Variants in CLTRN observed in about 807,000 individuals in gnomAD.
CLTRN encodes the protein collectrin.
In CLTRN, 12 loss-of-function variants were observed where a neutral mutation model predicts 14.5. The observed-to-expected ratio is 0.83, with a 90% CI of 0.53 to 1.34. CLTRN has a LOEUF of 1.34. Ranked by LOEUF, CLTRN falls within the 40% of genes most tolerant of loss-of-function variation. The pLI is 0.00. For synonymous variants in CLTRN, 58 were observed against 56.5 expected (o/e 1.03, Z -0.12); for missense variants, 154 against 165.1 (o/e 0.93, Z 0.37).
intron 4 of CLTRN, among the ~76,000 whole-genome samples, chrX:15,643,813 T>C (rs1241496237): frequency 1.8e-5 from 2 of 112,543 alleles, no homozygotes; most frequent in African/African-American, 3.2e-5. Flanking sequence ...TCTTAAGTGT[T>C]AACATTTTAC....
upstream of CLTRN, among the ~76,000 whole-genome samples, chrX:15,668,560 GT>G (rs754851358): frequency 9.0e-6 from 1 of 111,207 alleles, no homozygotes. Flanking sequence ...TCAATTCCTG[GT>G]TTTTCCCCTA....
chrX:15,640,695 C>A (rs575341967), intron 4 of CLTRN, among the ~76,000 whole-genome samples: 1 of 112,725 alleles, frequency 8.9e-6, no homozygotes, highest in African/African-American at 3.2e-5. Context: ...AAACATGAAC[C>A]AGGAGTGGCT....
Position 15,628,122 on chromosome X carries a change from T to C in CLTRN, c.518A>G (p.Asn173Ser). Residue 173 changes from asparagine to serine, a missense_variant, in exon 6 of 6, where the codon AAC becomes AGC. Physicochemically the swap from Asn to Ser is conservative, Grantham distance 46. Coordinates refer to ENST00000380342, the MANE Select transcript of CLTRN (RefSeq NM_020665.6). ...GTCATCCACTTCAGATGGTTCTTTG[T>C]TCTTTCTAAAAGCACATAAAAAAGA... Reference protein sequence around the residue: ...LSGIWQRRRKNKEPSEVDDAE... With the variant: ...LSGIWQRRRKSKEPSEVDDAE... The C allele has an allele frequency of 9.2e-7, 1 of 1,088,930 alleles. No individual in the cohort carries two copies. Among genetic ancestry groups the C allele is most frequent in the South Asian group, 2.8e-5 (1 of 35,947 alleles). 89.7% of individuals were successfully genotyped at this position (1,088,930 alleles called of 1,213,427 possible).
At position 15,639,569 on chromosome X, in the gene CLTRN, G is replaced by A. The variant is rs749112346; in HGVS notation, c.505C>T (p.Arg169Cys). 7.5e-6 allele frequency: 9 copies of A among 1,201,188 alleles called. No homozygotes were observed. The highest frequency in any genetic ancestry group is 5.4e-5 in the South Asian group (3 of 55,426). The change falls in exon 5 of 6, where the codon CGT becomes TGT. Residue 169 changes from arginine (R) to cysteine (C), a missense_variant. Coordinates refer to ENST00000380342, the MANE Select transcript of CLTRN (RefSeq NM_020665.6). The part of the protein sequence containing the change: ...ALLILSGIWQ[R>C]RRKNKEPSEV... ...TCCTTTTAAATATCTTACCTTCTAC[G>A]TTGCCAGATCCCTGATAAAATCAGT... is the stretch of plus-strand genomic sequence containing the variant.
chrX:15,651,273 G>A (rs1340308599), intron 3 of CLTRN, among the ~76,000 whole-genome samples: 2 of 111,477 alleles, frequency 1.8e-5, no homozygotes, highest in Admixed American at 1.9e-4. Flanking sequence ...ATATGGTTAG[G>A]AAAAGAGTTC....
chrX:15,651,128 G>C (rs1357900151), intron 3 of CLTRN, among the ~76,000 whole-genome samples: 1 of 111,249 alleles, frequency 9.0e-6, no homozygotes, highest in African/African-American at 3.3e-5. Context: ...TGGGGGGATG[G>C]GGGGACATGG....
At chrX:15,628,741 C>T (rs907259495) in intron 5 of CLTRN, among the ~76,000 whole-genome samples, 7 of 111,809 alleles carry the variant, frequency 6.3e-5, no homozygotes, top group African/African-American at 9.8e-5. Context: ...TTGCAAGTCA[C>T]GATTTTGGAA....
chrX:15,630,293 A>G (rs1045137636), intron 5 of CLTRN, among the ~76,000 whole-genome samples: 1 of 110,561 alleles, frequency 9.0e-6, no homozygotes. Context: ...GTATGTATGG[A>G]CTAATGTTGT....
At position 15,653,528 on chromosome X, in the gene CLTRN, C is replaced by T. The variant is rs750464304; in HGVS notation, c.203+5488G>A. Among the ~76,000 whole-genome samples the T allele has an allele frequency of 3.6e-5, 4 of 110,860 alleles. No individual in the cohort carries two copies. In the South Asian group the frequency reaches 1.6e-3, roughly 43 times the overall value. On this transcript the variant is annotated intron_variant, in intron 3 of 5. Coordinates refer to ENST00000380342, the MANE Select transcript of CLTRN (RefSeq NM_020665.6). ...TCCTCTTTTTCCTCCCCATATTCTT[C>T]CTATTCTTCTTCTACCTCATTGTCA...
intron 3 of CLTRN, chrX:15,646,799 C>A (rs1233070): frequency 6.0e-6 from 2 of 334,221 alleles, no homozygotes; most frequent in East Asian, 1.9e-4. Flanking sequence ...CCGCCACCCC[C>A]CCACCAGCCT....
intron 5 of CLTRN, among the ~76,000 whole-genome samples, chrX:15,639,177 C>A (rs1928882528): frequency 2.7e-5 from 3 of 111,960 alleles, no homozygotes; most frequent in South Asian, 7.4e-4. Context: ...AGTAGGGAGG[C>A]ATGCAACTAT....
intron 5 of CLTRN, among the ~76,000 whole-genome samples, chrX:15,630,369 AAGGAAGGAAGGAAG>A (rs1569247939): frequency 0.031 from 3,316 of 105,444 alleles, 125 homozygotes; most frequent in African/African-American, 0.1. Flanking sequence ...AGAAAGAAGG[AAGGAAGGAAGGAAG>A]GAAGGAAGGA....
intron 2 of CLTRN, among the ~76,000 whole-genome samples, chrX:15,662,574 G>A (rs762734666): frequency 1.9e-3 from 211 of 111,635 alleles, no homozygotes; most frequent in Non-Finnish European, 3.5e-3. Context: ...ATTTTACTCA[G>A]TCTTCCTTTC....
At chrX:15,646,837 G>T (rs1387338116) in intron 3 of CLTRN, 2 of 317,167 alleles carry the variant, frequency 6.3e-6, no homozygotes, top group Non-Finnish European at 6.2e-6. Flanking sequence ...CATGAAAATC[G>T]CCCCGCCCGA....
chrX:15,635,778 C>A (rs1318054269), intron 5 of CLTRN, among the ~76,000 whole-genome samples: 4 of 111,640 alleles, frequency 3.6e-5, no homozygotes, highest in Non-Finnish European at 7.5e-5. Flanking sequence ...GGATTTACAT[C>A]AAAATGAAAC....
chrX:15,674,995 G>A (rs1232125224), exon 1 of CLTRN: 1 of 113,064 alleles, frequency 8.8e-6, no homozygotes, highest in East Asian at 2.8e-4. Flanking sequence ...GGACCAGAGG[G>A]GTCTTGCCTG....
chrX:15,651,140 T>C (rs140866811), intron 3 of CLTRN, among the ~76,000 whole-genome samples: 1 of 111,238 alleles, frequency 9.0e-6, no homozygotes, highest in East Asian at 2.8e-4. Context: ...GGGACATGGT[T>C]TTCTTGTGTC....
At chrX:15,660,879 T>G (rs1025818685) in intron 2 of CLTRN, among the ~76,000 whole-genome samples, 1 of 111,994 alleles carries the variant, frequency 8.9e-6, no homozygotes, top group African/African-American at 3.2e-5. Flanking sequence ...TTTTCTCATA[T>G]GCAAATGTTA....
rs370883809 is a variant in CLTRN, at chrX:15,646,512, C to T, written c.204-1483G>A. On this transcript the variant is annotated intron_variant, in intron 3 of 5. Transcript: ENST00000380342. ...GAAGCACTGGGCCCTACTGTCCAGG[C>T]CCTTCCTCAGCTCCCAGGTCCAGGA... 35 of 326,138 alleles carry T rather than the reference C, an allele frequency of 1.1e-4. No individual in the cohort carries two copies. In the East Asian group the frequency reaches 3.0e-3, roughly 28 times the overall value. The allele number at this position is 326,138 out of a possible 1,213,427, so 26.9% of individuals were successfully genotyped here. A position where few individuals can be genotyped will look rare whatever the true frequency, so the allele number is the denominator to read the frequency against.
Sources: gnomAD v4.1 joint callset for allele counts (sites outside exome capture counted in the v4.1 genomes callset) on GRCh38, gnomAD v4.1.1 for gene constraint, MANE v1.5 for transcripts, NCBI Gene and HGNC (gene_info 2026-07-23, HGNC 2026-07-21) for gene names.